DOCK2: variants seen among roughly 807,000 people sequenced by gnomAD.
The protein encoded by DOCK2 is dedicator of cytokinesis 2, also known as dedicator of cytokinesis protein 2.
In DOCK2, 87 loss-of-function variants were observed where a neutral mutation model predicts 248.9. That is an observed-to-expected ratio of 0.35 (90% CI 0.29 to 0.42). The LOEUF (loss-of-function observed/expected upper bound fraction) is 0.42. Among genes scored for constraint, DOCK2 ranks in the 10% least tolerant of loss-of-function variants. The pLI is 1.00. For synonymous variants in DOCK2, 805 were observed against 821.6 expected (o/e 0.98, Z 0.35); for missense variants, 1,747 against 2,300.2 (o/e 0.76, Z 4.92).
At position 169,702,342 on chromosome 5, in the gene DOCK2, G is replaced by A; in HGVS notation, c.1298G>A (p.Gly433Asp). The A allele has an allele frequency of 6.2e-7, 1 of 1,613,920 alleles. No individual in the cohort carries two copies. Among genetic ancestry groups the A allele is most frequent in the Non-Finnish European group, 8.5e-7 (1 of 1,179,874 alleles). Residue 433 changes from glycine to aspartate, a missense_variant, in exon 14 of 52, where the codon GGT (glycine) becomes GAT (aspartate). Physicochemically the swap from Gly to Asp is moderately conservative, Grantham distance 94. Coordinates refer to ENST00000520908, the MANE Select transcript of DOCK2 (RefSeq NM_004946.3). Reference sequence around the variant, plus strand: ...GACATCTACATTACTCTCTTACAAGGTGACTTTGACAAGTACAACAAGACC... The same window carrying A: ...GACATCTACATTACTCTCTTACAAGATGACTTTGACAAGTACAACAAGACC... ...RNDIYITLLQ[G>D]DFDKYNKTTQ...
Position 169,684,684 on chromosome 5 carries a change from C to G in DOCK2, c.761+334C>G, listed in dbSNP as rs1161666434. 3.3e-5 allele frequency among the ~76,000 whole-genome samples: 5 copies of G among 152,218 alleles called. No homozygotes were observed. The East Asian group carries it at 9.6e-4, about 29-fold the overall frequency. On this transcript the variant is annotated intron_variant, in intron 8 of 51. Coordinates refer to ENST00000520908, the MANE Select transcript of DOCK2 (RefSeq NM_004946.3). ...TTTTGTTTTGAGACAGGGTCTCACT[C>G]TGTTGCCCAGGCTGGAGTGCATGGG...
intron 32 of DOCK2, among the ~76,000 whole-genome samples, chr5:170,011,917 G>T (rs556080407): frequency 2.6e-5 from 4 of 152,306 alleles, no homozygotes; most frequent in Non-Finnish European, 5.9e-5. Context: ...AGCAGGTCTG[G>T]ACTGGCCATC....
chr5:169,820,931 G>A (rs1284776644), intron 26 of DOCK2, among the ~76,000 whole-genome samples: 1 of 152,230 alleles, frequency 6.6e-6, no homozygotes, highest in African/African-American at 2.4e-5. Flanking sequence ...TAAAGGACCT[G>A]ATGGAGCTGA....
At chr5:169,872,588 C>T (rs1201151250) in intron 27 of DOCK2, among the ~76,000 whole-genome samples, 1 of 152,160 alleles carries the variant, frequency 6.6e-6, no homozygotes, top group Non-Finnish European at 1.5e-5. Context: ...GATCAAGCTG[C>T]AGAAATCTCT....
At chr5:169,878,751 T>A (rs1581344385) in intron 27 of DOCK2, among the ~76,000 whole-genome samples, 2 of 152,214 alleles carry the variant, frequency 1.3e-5, no homozygotes, top group African/African-American at 2.4e-5. Context: ...CTAGGATTAA[T>A]GCTAAGGAGA....
chr5:170,036,762 T>A (rs1196359611), intron 36 of DOCK2, among the ~76,000 whole-genome samples: 1 of 152,232 alleles, frequency 6.6e-6, no homozygotes, highest in Non-Finnish European at 1.5e-5. Context: ...TGAAATCGTC[T>A]GGCCTTCCAT....
At chr5:169,808,524 T>C (rs899218708) in intron 26 of DOCK2, among the ~76,000 whole-genome samples, 1 of 152,082 alleles carries the variant, frequency 6.6e-6, no homozygotes, top group African/African-American at 2.4e-5. Flanking sequence ...TCTCTTAGCA[T>C]ATGAAAGGGA....
At chr5:169,762,944 T>C (rs1160278883) in intron 25 of DOCK2, among the ~76,000 whole-genome samples, 1 of 152,238 alleles carries the variant, frequency 6.6e-6, no homozygotes, top group Admixed American at 6.5e-5. Flanking sequence ...TTTTTTCCAA[T>C]GCCTGGTTAA....
At chr5:170,045,791 C>G in intron 38 of DOCK2, 25 bp from the exon 39 acceptor site, 2 of 1,612,994 alleles carry the variant, frequency 1.2e-6, no homozygotes, top group Non-Finnish European at 1.7e-6. Context: ...GCCACCTCAC[C>G]TTTGTCCCTG....
Position 169,983,150 on chromosome 5 carries a change from C to A in DOCK2, c.2882C>A (p.Thr961Asn), listed in dbSNP as rs756282672. The A allele has an allele frequency of 6.2e-7, 1 of 1,614,084 alleles. No homozygotes were observed. Among genetic ancestry groups the A allele is most frequent in the Non-Finnish European group, 8.5e-7 (1 of 1,179,920 alleles). ...HYSFYIETFQ[T>N]SSELVDFLME... ...TCCTTCTACATTGAGACCTTCCAGA[C>A]CAGCTCTGAACTTGTGGTGAGTCTG... Residue 961 changes from threonine to asparagine, a missense_variant, in exon 28 of 52, where the codon ACC becomes AAC. Physicochemically the swap from Thr to Asn is moderately conservative, Grantham distance 65 (BLOSUM62 0). This residue lies in a region of DOCK2 where 858 missense variants were observed against 1,183.5 expected (regional missense o/e 0.72). Coordinates refer to ENST00000520908, the MANE Select transcript of DOCK2 (RefSeq NM_004946.3).
chr5:169,727,823 C>A (rs906355081), intron 22 of DOCK2, among the ~76,000 whole-genome samples: 10 of 152,108 alleles, frequency 6.6e-5, no homozygotes, highest in African/African-American at 2.4e-4. Flanking sequence ...TTGGAAACTT[C>A]TGCTTTTGGC....
intron 27 of DOCK2, among the ~76,000 whole-genome samples, chr5:169,912,661 C>T (rs1453137261): frequency 6.6e-6 from 1 of 151,984 alleles, no homozygotes; most frequent in East Asian, 1.9e-4. Context: ...TGGGTACATT[C>T]ATTCATGTTG....
intron 26 of DOCK2, among the ~76,000 whole-genome samples, chr5:169,839,519 T>A (rs532455784): frequency 6.6e-6 from 1 of 152,306 alleles, no homozygotes; most frequent in East Asian, 1.9e-4. Context: ...GTATGCATGG[T>A]GTGCAACTCT....
chr5:169,640,164 A>G (rs1368926008), intron 1 of DOCK2, among the ~76,000 whole-genome samples: 1 of 152,256 alleles, frequency 6.6e-6, no homozygotes, highest in African/African-American at 2.4e-5. Context: ...TTATCTCCAA[A>G]TAGGAGTACC....
At chr5:169,756,898 C>G (rs1354130531) in intron 23 of DOCK2, among the ~76,000 whole-genome samples, 2 of 149,450 alleles carry the variant, frequency 1.3e-5, no homozygotes, top group African/African-American at 2.5e-5. Flanking sequence ...GCACTCTAGC[C>G]TGGGCAACAA....
chr5:169,652,052 A>G (rs1031896969), intron 1 of DOCK2, among the ~76,000 whole-genome samples: 4 of 152,248 alleles, frequency 2.6e-5, no homozygotes, highest in Admixed American at 1.3e-4. Flanking sequence ...ATTTCAGCTG[A>G]GCCTCCCAGG....
At chr5:169,700,162 T>G in intron 13 of DOCK2, 23 bp downstream of exon 13, 1 of 1,610,524 alleles carries the variant, frequency 6.2e-7, no homozygotes, top group Admixed American at 1.7e-5. Context: ...TGCTCTGACC[T>G]TCCCCTGGGG....
At chr5:169,732,959 A>C (rs1053506325) in intron 22 of DOCK2, among the ~76,000 whole-genome samples, 1 of 152,180 alleles carries the variant, frequency 6.6e-6, no homozygotes, top group African/African-American at 2.4e-5. Flanking sequence ...TGTTGAATAG[A>C]AATGGTAATA....
At chr5:169,690,763 T>C (rs1342036961) in intron 9 of DOCK2, among the ~76,000 whole-genome samples, 3 of 152,128 alleles carry the variant, frequency 2.0e-5, no homozygotes, top group African/African-American at 2.4e-5. Flanking sequence ...GATGTAAACA[T>C]GGGGGAAAGA....
Sources: allele counts gnomAD v4.1 joint callset (sites outside exome capture counted in the v4.1 genomes callset), GRCh38; gene constraint gnomAD v4.1.1; regional missense constraint gnomAD v4.1.1; transcripts MANE v1.5; gene names NCBI Gene and HGNC (gene_info 2026-07-23, HGNC 2026-07-21).